NAALADL2: variants seen among roughly 807,000 people sequenced by gnomAD.
NAALADL2 encodes the protein inactive N-acetylated-alpha-linked acidic dipeptidase-like protein 2.
In NAALADL2, 76 loss-of-function variants were observed where a neutral mutation model predicts 87.2. The ratio of observed to expected loss-of-function variants is 0.87; its 90% CI spans 0.72 to 1.05. The LOEUF is 1.05. NAALADL2 is among the 50% of genes least tolerant of loss of function. NAALADL2 has a pLI of 0.00. For synonymous variants in NAALADL2, 354 were observed against 331.0 expected, an observed-to-expected ratio of 1.07 and a Z score of -0.75; for missense variants, 1,089 against 945.8, an observed-to-expected ratio of 1.15 and a Z score of -1.99.
At chr3:175,499,957 T>C (rs958061543) in intron 9 of NAALADL2, among the ~76,000 whole-genome samples, 1 of 152,112 alleles carries the variant, frequency 6.6e-6, no homozygotes, top group Non-Finnish European at 1.5e-5. Flanking sequence ...AATATTGGAA[T>C]ATTACTTTCT....
At chr3:175,155,614 A>G (rs1386584201) in intron 2 of NAALADL2, among the ~76,000 whole-genome samples, 1 of 151,994 alleles carries the variant, frequency 6.6e-6, no homozygotes, top group Non-Finnish European at 1.5e-5. Flanking sequence ...GCTTTATGCT[A>G]TGTCTTGAAT....
intron 11 of NAALADL2, among the ~76,000 whole-genome samples, chr3:175,639,979 A>G (rs990751571): frequency 3.3e-5 from 5 of 152,212 alleles, no homozygotes; most frequent in African/African-American, 1.2e-4. Flanking sequence ...CATGGAACTG[A>G]GTAGTTAGTG....
rs1208233144 is a variant in NAALADL2 at position 174,724,513 on chromosome 3, G to A, written c.-114-13128G>A. Among the ~76,000 whole-genome samples, 3 of 152,016 alleles carry A rather than the reference G, an allele frequency of 2.0e-5. No individual in the cohort carries two copies. In the East Asian group the frequency reaches 5.8e-4, roughly 29 times the overall value. ...GGAGAATATTGCTATTTTAGGAATA[G>A]GGAAATAAGAGACTGGAAAATATTT... On this transcript the variant is annotated intron_variant, in intron 2 of 3. Coordinates refer to the NAALADL2 transcript ENST00000434257.
At chr3:175,380,451 G>A (rs1482607409) in intron 5 of NAALADL2, among the ~76,000 whole-genome samples, 7 of 151,908 alleles carry the variant, frequency 4.6e-5, no homozygotes, top group Admixed American at 4.6e-4. Context: ...TACCATTTAG[G>A]TCTCATTTTT....
At chr3:175,324,043 A>T in intron 4 of NAALADL2, 132 bp from the exon 5 acceptor site, 3 of 480,216 alleles carry the variant, frequency 6.2e-6, no homozygotes, top group Non-Finnish European at 1.0e-5. Flanking sequence ...AAAAAAAAAA[A>T]GAAAAAGAAA....
At chr3:174,617,176 C>T (rs368147254) in intron 2 of NAALADL2, among the ~76,000 whole-genome samples, 3 of 151,584 alleles carry the variant, frequency 2.0e-5, no homozygotes, top group Non-Finnish European at 3.0e-5. Context: ...TTTAGCTTGT[C>T]GAACAGGTAA....
chr3:174,636,475 C>T (rs1020139759), intron 2 of NAALADL2, among the ~76,000 whole-genome samples: 3 of 151,852 alleles, frequency 2.0e-5, no homozygotes, highest in African/African-American at 7.3e-5. Context: ...CAAATAATAC[C>T]ATTAAAAACT....
At chr3:174,541,081 C>G (rs2108465958) in intron 1 of NAALADL2, among the ~76,000 whole-genome samples, 1 of 152,264 alleles carries the variant, frequency 6.6e-6, no homozygotes, top group East Asian at 1.9e-4. Flanking sequence ...ACATTATTTC[C>G]TCTTACCATG....
chr3:175,669,178 C>T (rs1733603292), intron 11 of NAALADL2, among the ~76,000 whole-genome samples: 1 of 151,950 alleles, frequency 6.6e-6, no homozygotes, highest in Non-Finnish European at 1.5e-5. Flanking sequence ...GCAGCCCAAA[C>T]AAAATAAGAG....
At chr3:175,443,325 G>A (rs897000156) in intron 5 of NAALADL2, among the ~76,000 whole-genome samples, 1 of 152,160 alleles carries the variant, frequency 6.6e-6, no homozygotes, top group African/African-American at 2.4e-5. Context: ...ACATTTAAAT[G>A]CATTGCTTCA....
chr3:174,544,737 A>T (rs1307282061), intron 1 of NAALADL2, among the ~76,000 whole-genome samples: 1 of 150,680 alleles, frequency 6.6e-6, no homozygotes, highest in African/African-American at 2.4e-5. Flanking sequence ...CACCCAGCTA[A>T]TTTTTGTATT....
At chr3:175,094,757 A>AGTGTGTGTGTGTGT (rs369083345) in intron 1 of NAALADL2, among the ~76,000 whole-genome samples, 26 of 126,066 alleles carry the variant, frequency 2.1e-4, no homozygotes, top group African/African-American at 4.8e-4. Context: ...CAGACACTAT[A>AGTGTGTGTGTGTGT]GTGTGTGTGT....
At chr3:175,194,304 G>T (rs1323988566) in intron 2 of NAALADL2, among the ~76,000 whole-genome samples, 2 of 151,680 alleles carry the variant, frequency 1.3e-5, no homozygotes, top group African/African-American at 2.4e-5. Flanking sequence ...TCTTTTTCCT[G>T]CAAGTATTTG....
chr3:175,356,562 A>C (rs1184365700), intron 5 of NAALADL2, among the ~76,000 whole-genome samples: 1 of 141,250 alleles, frequency 7.1e-6, no homozygotes, highest in East Asian at 2.1e-4. Flanking sequence ...ATGACAGAGC[A>C]AGACCCTGTG....
intron 3 of NAALADL2, among the ~76,000 whole-genome samples, chr3:174,806,777 A>T (rs1719557749): frequency 6.6e-6 from 1 of 152,180 alleles, no homozygotes; most frequent in Non-Finnish European, 1.5e-5. Context: ...TTTTCAAGCT[A>T]TGTATATCCA....
chr3:175,156,178 G>A (rs1034732335), intron 2 of NAALADL2, among the ~76,000 whole-genome samples: 3 of 152,018 alleles, frequency 2.0e-5, no homozygotes, highest in African/African-American at 7.2e-5. Context: ...TGTGAGGGAG[G>A]AACAAATACT....
intron 1 of NAALADL2, among the ~76,000 whole-genome samples, chr3:174,898,426 TG>T (rs1731885721): frequency 6.6e-6 from 1 of 151,464 alleles, no homozygotes; most frequent in Non-Finnish European, 1.5e-5. Context: ...TGAATAAGAC[TG>T]ACTATTTGAT....
chr3:175,216,155 C>G (rs1040688046), intron 2 of NAALADL2, among the ~76,000 whole-genome samples: 3 of 152,066 alleles, frequency 2.0e-5, no homozygotes, highest in African/African-American at 7.2e-5. Context: ...TTTAGTATGA[C>G]AAGAAATAGT....
chr3:175,617,439 T>C (rs920431630), intron 10 of NAALADL2, among the ~76,000 whole-genome samples: 11 of 152,130 alleles, frequency 7.2e-5, no homozygotes, highest in African/African-American at 2.7e-4. Flanking sequence ...CCATCACAGA[T>C]TGGACAGGGT....
Sources: gnomAD v4.1 joint callset for allele counts (sites outside exome capture counted in the v4.1 genomes callset) on GRCh38, gnomAD v4.1.1 for gene constraint, MANE v1.5 for transcripts, NCBI Gene and HGNC (gene_info 2026-07-23, HGNC 2026-07-21) for gene names.